Variants in SLC15A1 observed in about 807,000 individuals in gnomAD.
SLC15A1 encodes Caco-2 oligopeptide transporter.
Under a neutral mutation model 92.9 loss-of-function variants are expected in SLC15A1, and 83 were observed. That is an observed-to-expected ratio of 0.89 (90% CI 0.75 to 1.07). SLC15A1 has a LOEUF of 1.07. Among genes scored for constraint, SLC15A1 ranks in the 50% least tolerant of loss-of-function variants. SLC15A1 has a pLI of 0.00. For synonymous variants in SLC15A1, 322 were observed against 318.2 expected, an observed-to-expected ratio of 1.01 and a Z score of -0.13; for missense variants, 857 against 880.1, an observed-to-expected ratio of 0.97 and a Z score of 0.33.
At chr13:98,694,681 A>G (rs1408428541) in intron 18 of SLC15A1, among the ~76,000 whole-genome samples, 5 of 152,240 alleles carry the variant, frequency 3.3e-5, no homozygotes, top group African/African-American at 1.2e-4. Context: ...GAATAAATAA[A>G]TTGCAGTATA....
At chr13:98,699,688 A>C (rs1186709665) in intron 18 of SLC15A1, among the ~76,000 whole-genome samples, 1 of 152,172 alleles carries the variant, frequency 6.6e-6, no homozygotes, top group African/African-American at 2.4e-5. Flanking sequence ...AGAAACTGCC[A>C]AACTGTTTTT....
chr13:98,744,338 A>C (rs955021657), intron 1 of SLC15A1, among the ~76,000 whole-genome samples: 8 of 150,216 alleles, frequency 5.3e-5, no homozygotes, highest in African/African-American at 2.0e-4. Context: ...ATACACACAC[A>C]GACTTTTTTT....
In SLC15A1 at chr13:98,695,575, T is replaced by C. The variant is rs2088015311; in HGVS notation, c.1466+6905A>G. Among the ~76,000 whole-genome samples the C allele has an allele frequency of 2.6e-5, 4 of 152,114 alleles. No homozygotes were observed. In the South Asian group the frequency reaches 8.3e-4, roughly 32 times the overall value. On this transcript the variant is annotated intron_variant, in intron 18 of 22. Transcript: ENST00000376503. ...CAGCTAATGTTCTTATATTTTTTAG[T>C]AGAGATGGGGTTTCACCATGTTGGC... is the stretch of plus-strand genomic sequence containing the variant.
intron 1 of SLC15A1, among the ~76,000 whole-genome samples, chr13:98,731,666 C>G (rs1402144552): frequency 1.3e-5 from 2 of 152,166 alleles, no homozygotes; most frequent in Non-Finnish European, 2.9e-5. Context: ...TTCCTGTGTT[C>G]CCCGGATTTT....
At chr13:98,727,701 T>G (rs1281473929) in intron 1 of SLC15A1, among the ~76,000 whole-genome samples, 1 of 152,182 alleles carries the variant, frequency 6.6e-6, no homozygotes, top group Non-Finnish European at 1.5e-5. Flanking sequence ...TGCCCTTGTC[T>G]CTAGTCTTTA....
chr13:98,721,599 G>T lies in SLC15A1; in HGVS notation c.466-14C>A. Reference sequence around the variant, plus strand: ...TCTTTGTTTCTCCTGCAATGAAAAGGAGAAAGTAAGATGACTTTGGCTATC... The same window carrying T: ...TCTTTGTTTCTCCTGCAATGAAAAGTAGAAAGTAAGATGACTTTGGCTATC... On this transcript the variant is annotated splice_polypyrimidine_tract_variant and intron_variant, in intron 6 of 22. Transcript: ENST00000376503. The T allele has an allele frequency of 6.4e-7, 1 of 1,562,178 alleles. No individual in the cohort carries two copies. Among genetic ancestry groups the T allele is most frequent in the South Asian group, 1.1e-5 (1 of 87,360 alleles).
At chr13:98,686,384 C>T (rs755090096) in intron 21 of SLC15A1, 87 bp from the exon 22 acceptor site, 5 of 868,526 alleles carry the variant, frequency 5.8e-6, no homozygotes, top group African/African-American at 1.7e-5. Context: ...TTTCGTGAAG[C>T]AGATCACCCT....
intron 18 of SLC15A1, among the ~76,000 whole-genome samples, chr13:98,690,671 G>A (rs926198166): frequency 6.6e-6 from 1 of 152,144 alleles, no homozygotes; most frequent in African/African-American, 2.4e-5. Context: ...GTCCGGAGGC[G>A]ATTCAGTGGT....
At chr13:98,736,307 G>A (rs113904500) in intron 1 of SLC15A1, among the ~76,000 whole-genome samples, 1 of 152,168 alleles carries the variant, frequency 6.6e-6, no homozygotes, top group East Asian at 1.9e-4. Flanking sequence ...GCTGAAACTG[G>A]ATCCCTTCCT....
At position 98,739,532 on chromosome 13, in the gene SLC15A1, A is replaced by G. The variant is rs2088425129; in HGVS notation, c.5-12673T>C. On this transcript the variant is annotated intron_variant, in intron 1 of 22. Transcript: ENST00000376503. ...GTCCTCACAATAGTGAGTTCTCATG[A>G]GATCTGGTTGTTTAAAAGTATGTAG... 2.6e-5 allele frequency among the ~76,000 whole-genome samples: 4 copies of G among 152,266 alleles called. No homozygotes were observed. In the South Asian group the frequency reaches 8.3e-4, roughly 32 times the overall value.
chr13:98,735,330 C>T (rs12674748), intron 1 of SLC15A1, among the ~76,000 whole-genome samples: 77 of 152,150 alleles, frequency 5.1e-4, no homozygotes, highest in Non-Finnish European at 9.6e-4. Context: ...ATTGATGGGA[C>T]GTATCTCAAA....
At chr13:98,746,678 G>A (rs3782997) in intron 1 of SLC15A1, among the ~76,000 whole-genome samples, 88,389 of 152,066 alleles carry the variant, frequency 0.58, 26,529 homozygotes, top group Non-Finnish European at 0.67. Context: ...GCCTTCTTAT[G>A]GAAGTACATT....
At chr13:98,714,059 G>GAAAAAA (rs56096468) in intron 9 of SLC15A1, among the ~76,000 whole-genome samples, 2 of 134,452 alleles carry the variant, frequency 1.5e-5, no homozygotes, top group Non-Finnish European at 1.6e-5. Context: ...TCTCAAAAAG[G>GAAAAAA]AAAAAAAAAA....
At position 98,726,827 on chromosome 13, in the gene SLC15A1, GA is replaced by G; in HGVS notation, c.21+15del. 1 of 1,611,752 alleles carries G rather than the reference GA, an allele frequency of 6.2e-7. No individual in the cohort carries two copies. The highest frequency in any genetic ancestry group is 1.1e-5 in the South Asian group (1 of 90,992). On this transcript the variant is annotated intron_variant, in intron 2 of 22. Coordinates refer to ENST00000376503, the MANE Select transcript of SLC15A1 (RefSeq NM_005073.4). ...TACAAGATGAAGATATGTAGAGAAG[GA>G]AAAAGGGTACTCACGTGTGATTTGG... is the stretch of plus-strand genomic sequence containing the variant.
At chr13:98,731,418 G>A (rs1474146418) in intron 1 of SLC15A1, among the ~76,000 whole-genome samples, 2 of 152,196 alleles carry the variant, frequency 1.3e-5, no homozygotes, top group East Asian at 3.8e-4. Flanking sequence ...TTGAGGACAC[G>A]GCAACAGCAC....
rs796403004 is a variant in SLC15A1, at chr13:98,688,660, A to G, written c.1467-83T>C. On this transcript the variant is annotated intron_variant, in intron 18 of 22. Coordinates refer to ENST00000376503, the MANE Select transcript of SLC15A1 (RefSeq NM_005073.4). ...ACAGTACATGCACCTGAAGTTGGGC[A>G]ATACTCCCTATTTTGAAGGAGTTTA... The G allele has an allele frequency of 8.7e-6, 8 of 916,916 alleles. No individual in the cohort carries two copies. The African/African-American group carries it at 9.8e-5, about 11-fold the overall frequency. The allele number at this position is 916,916 out of a possible 1,614,324, so 56.8% of individuals were successfully genotyped here.
chr13:98,688,143 C>A (rs1215209130), intron 20 of SLC15A1, 105 bp downstream of exon 20: 4 of 748,576 alleles, frequency 5.3e-6, no homozygotes, highest in Non-Finnish European at 6.6e-6. Flanking sequence ...AAATACAGAT[C>A]CTAATATCAC....
At chr13:98,738,377 A>G (rs1054124035) in intron 1 of SLC15A1, among the ~76,000 whole-genome samples, 5 of 152,248 alleles carry the variant, frequency 3.3e-5, no homozygotes, top group African/African-American at 1.2e-4. Flanking sequence ...AAAGGCCTCT[A>G]AGGAATTTCA....
intron 18 of SLC15A1, among the ~76,000 whole-genome samples, chr13:98,691,355 T>C (rs1013023275): frequency 6.6e-6 from 1 of 152,246 alleles, no homozygotes; most frequent in Non-Finnish European, 1.5e-5. Context: ...TTCTTTTTTA[T>C]GACTAACATT....
Sources: gnomAD v4.1 joint callset for allele counts (sites outside exome capture counted in the v4.1 genomes callset) on GRCh38, gnomAD v4.1.1 for gene constraint, MANE v1.5 for transcripts, NCBI Gene and HGNC (gene_info 2026-07-23, HGNC 2026-07-21) for gene names.